Variants in SYNPR observed in about 807,000 individuals in gnomAD.
SYNPR encodes the protein synaptoporin.
A neutral mutation model predicts 32.9 loss-of-function variants in SYNPR; 23 were observed. The observed-to-expected ratio is 0.70, with a 90% CI of 0.50 to 0.99. The LOEUF (loss-of-function observed/expected upper bound fraction) is 0.99. SYNPR is among the 50% of genes least tolerant of loss of function. The probability of loss-of-function intolerance (pLI) is 0.00; values close to 1 mark genes in which losing one functional copy is unlikely to be tolerated. For synonymous variants in SYNPR, 146 were observed against 135.9 expected (o/e 1.07, Z -0.52); for missense variants, 318 against 349.3 (o/e 0.91, Z 0.71).
intron 2 of SYNPR, among the ~76,000 whole-genome samples, chr3:63,402,432 C>A (rs1203517575): frequency 6.6e-6 from 1 of 152,106 alleles, no homozygotes; most frequent in African/African-American, 2.4e-5. Flanking sequence ...AGTTCTTATC[C>A]CAAAAGCAAG....
intron 2 of SYNPR, among the ~76,000 whole-genome samples, chr3:63,404,958 T>C (rs2088340325): frequency 6.6e-6 from 1 of 152,058 alleles, no homozygotes; most frequent in Admixed American, 6.6e-5. Flanking sequence ...CAGCCAGCAG[T>C]GTAGGTGGAC....
At chr3:63,423,352 A>G (rs1288574232) in intron 2 of SYNPR, among the ~76,000 whole-genome samples, 1 of 152,204 alleles carries the variant, frequency 6.6e-6, no homozygotes, top group Non-Finnish European at 1.5e-5. Context: ...AACTAATACT[A>G]TGGCACCAGC....
chr3:63,344,658 GT>G (rs2087413719), intron 2 of SYNPR, among the ~76,000 whole-genome samples: 1 of 150,198 alleles, frequency 6.7e-6, no homozygotes. Flanking sequence ...CTGGTGGGTT[GT>G]TTTTGCCCAC....
chr3:63,314,866 T>C (rs563651784), intron 2 of SYNPR, among the ~76,000 whole-genome samples: 17 of 152,146 alleles, frequency 1.1e-4, no homozygotes, highest in African/African-American at 4.1e-4. Context: ...AGGTCTTAGG[T>C]TTGAGTCCTA....
At chr3:63,502,435 CTTG>C (rs1255316372) in intron 3 of SYNPR, among the ~76,000 whole-genome samples, 3 of 152,030 alleles carry the variant, frequency 2.0e-5, no homozygotes, top group African/African-American at 7.2e-5. Flanking sequence ...AGGGTTCACT[CTTG>C]TTGTTGTATG....
intron 2 of SYNPR, among the ~76,000 whole-genome samples, chr3:63,378,150 G>T (rs1005300571): frequency 1.3e-5 from 2 of 151,560 alleles, no homozygotes; most frequent in Non-Finnish European, 2.9e-5. Context: ...GCTTATAATT[G>T]ATCTAGTATA....
chr3:63,524,330 G>A (rs1701966414), intron 3 of SYNPR, among the ~76,000 whole-genome samples: 2 of 152,148 alleles, frequency 1.3e-5, no homozygotes, highest in African/African-American at 2.4e-5. Context: ...CTATACTTCT[G>A]TAAAAATAAA....
At chr3:63,308,034 T>C (rs1266246294) in intron 2 of SYNPR, among the ~76,000 whole-genome samples, 1 of 151,914 alleles carries the variant, frequency 6.6e-6, no homozygotes, top group Non-Finnish European at 1.5e-5. Flanking sequence ...TTCAGTAACA[T>C]TAGAAAAAAA....
At chr3:63,402,947 G>C (rs771671146) in intron 2 of SYNPR, among the ~76,000 whole-genome samples, 1 of 152,102 alleles carries the variant, frequency 6.6e-6, no homozygotes, top group Non-Finnish European at 1.5e-5. Context: ...AAAATGTCCT[G>C]GAACACTAAG....
intron 2 of SYNPR, among the ~76,000 whole-genome samples, chr3:63,474,936 T>C (rs961754467): frequency 1.3e-5 from 2 of 152,148 alleles, no homozygotes; most frequent in African/African-American, 4.8e-5. Flanking sequence ...CTCCAACCTA[T>C]TGCATTTAAC....
intron 2 of SYNPR, among the ~76,000 whole-genome samples, chr3:63,328,894 C>G (rs2087194827): frequency 6.6e-6 from 1 of 152,132 alleles, no homozygotes; most frequent in Non-Finnish European, 1.5e-5. Context: ...CTCAAATTGA[C>G]CGCCACATCT....
chr3:63,279,352 G>A (rs375052989), intron 2 of SYNPR, among the ~76,000 whole-genome samples: 1 of 152,208 alleles, frequency 6.6e-6, no homozygotes, highest in African/African-American at 2.4e-5. Flanking sequence ...CTTTTCTCTG[G>A]CCACTCCTCT....
intron 2 of SYNPR, among the ~76,000 whole-genome samples, chr3:63,478,461 C>A (rs1056843558): frequency 6.6e-6 from 1 of 152,160 alleles, no homozygotes; most frequent in Non-Finnish European, 1.5e-5. Context: ...GCTTCACGCA[C>A]ACATGCCTCA....
intron 3 of SYNPR, among the ~76,000 whole-genome samples, chr3:63,483,273 A>T (rs879844479): frequency 6.6e-6 from 1 of 152,216 alleles, no homozygotes; most frequent in Admixed American, 6.5e-5. Context: ...TGATTTACAT[A>T]TGTCCTAGGC....
chr3:63,219,164 T>A, the SYNPR span, among the ~76,000 whole-genome samples: 1 of 152,164 alleles, frequency 6.6e-6, no homozygotes, highest in African/African-American at 2.4e-5. Context: ...TAGTCAGAAA[T>A]GGGTATTGAC....
At chr3:63,211,424 G>C in the SYNPR span, among the ~76,000 whole-genome samples, 140 of 152,298 alleles carry the variant, frequency 9.2e-4, no homozygotes, top group Non-Finnish European at 8.8e-5. Flanking sequence ...CATGGCACAA[G>C]AGCAAGGAGA....
intron 3 of SYNPR, among the ~76,000 whole-genome samples, chr3:63,551,175 T>C (rs1290557465): frequency 6.6e-6 from 1 of 152,352 alleles, no homozygotes; most frequent in African/African-American, 2.4e-5. Flanking sequence ...ATAGAATATG[T>C]GGTCTTTTGT....
chr3:63,557,582 T>C (rs1320610215), intron 4 of SYNPR, among the ~76,000 whole-genome samples: 1 of 152,212 alleles, frequency 6.6e-6, no homozygotes. Flanking sequence ...TTTTTGGATA[T>C]AAGGAGGTTT....
At position 63,412,289 on chromosome 3, in the gene SYNPR, T is replaced by C. The variant is rs891312929; in HGVS notation, c.85-68543T>C. On this transcript the variant is annotated intron_variant, in intron 2 of 5. Transcript: ENST00000478300. ...GACAATAAGTAGACAGATATGAGGG[T>C]CTGAAGTTTCAGGAAGAGTATTGCA... 1.2e-4 allele frequency among the ~76,000 whole-genome samples: 18 copies of C among 152,218 alleles called. 1 individual carries two copies. The East Asian group carries it at 3.3e-3, about 28-fold the overall frequency.
Sources: allele counts gnomAD v4.1 joint callset (sites outside exome capture counted in the v4.1 genomes callset), GRCh38; gene constraint gnomAD v4.1.1; transcripts MANE v1.5; gene names NCBI Gene and HGNC (gene_info 2026-07-23, HGNC 2026-07-21).